Variants in UIMC1 observed in about 807,000 individuals in gnomAD.
The protein encoded by UIMC1 is BRCA1-A complex subunit RAP80.
Under a neutral mutation model 84.9 loss-of-function variants are expected in UIMC1, and 42 were observed. The observed-to-expected ratio is 0.49, with a 90% CI of 0.39 to 0.64. The LOEUF (loss-of-function observed/expected upper bound fraction) is 0.64, where lower values mean the gene tolerates loss of function less well. Ranked by LOEUF, UIMC1 falls within the 30% of genes least tolerant of loss-of-function variation. The probability of loss-of-function intolerance (pLI) is 0.00; values close to 1 mark genes in which losing one functional copy is unlikely to be tolerated. For synonymous variants in UIMC1, 281 were observed against 293.0 expected (o/e 0.96, Z 0.42); for missense variants, 825 against 847.6 (o/e 0.97, Z 0.33).
At chr5:176,965,669 T>C (rs1167339421) in intron 6 of UIMC1, among the ~76,000 whole-genome samples, 1 of 152,154 alleles carries the variant, frequency 6.6e-6, no homozygotes, top group Non-Finnish European at 1.5e-5. Flanking sequence ...CTGCAGCAAA[T>C]AGTATTAACT....
chr5:176,943,555 A>G, intron 9 of UIMC1, 67 bp from the exon 10 acceptor site: 1 of 1,554,788 alleles, frequency 6.4e-7, no homozygotes, highest in East Asian at 2.3e-5. Flanking sequence ...ACGAACTGCA[A>G]GAGACTCCAC....
chr5:176,936,089 C>T (rs1763688508), intron 10 of UIMC1, among the ~76,000 whole-genome samples: 1 of 152,204 alleles, frequency 6.6e-6, no homozygotes, highest in Admixed American at 6.6e-5. Flanking sequence ...TTCTACCCAA[C>T]TAGTGGCTTA....
intron 1 of UIMC1, among the ~76,000 whole-genome samples, chr5:177,011,853 T>G (rs1581738563): frequency 6.6e-6 from 1 of 150,942 alleles, no homozygotes; most frequent in Non-Finnish European, 1.5e-5. Flanking sequence ...CAGGCTGGAG[T>G]GCAGTGGCAC....
chr5:177,004,011 G>A (rs1774917270), intron 1 of UIMC1, among the ~76,000 whole-genome samples: 2 of 152,058 alleles, frequency 1.3e-5, no homozygotes, highest in African/African-American at 4.8e-5. Flanking sequence ...TGTATTTTTT[G>A]TAGAGACTGG....
At chr5:176,940,061 T>C (rs1764230471) in intron 10 of UIMC1, among the ~76,000 whole-genome samples, 1 of 152,164 alleles carries the variant, frequency 6.6e-6, no homozygotes, top group South Asian at 2.1e-4. Context: ...ATGATGATGA[T>C]GATAAGACTC....
rs193276747 is a variant in UIMC1 at position 176,954,582 on chromosome 5, T to A, written c.1339+1377A>T. On this transcript the variant is annotated intron_variant, in intron 8 of 14. Transcript: ENST00000511320. ...AGACCTCGTCTCTACTAAAAAAAAA[T>A]AATAATAATAATTTTTAAAATTAGT... 9.3e-3 allele frequency among the ~76,000 whole-genome samples: 1,408 copies of A among 150,960 alleles called. 7 individuals carry two copies. The highest frequency in any genetic ancestry group is 0.027 in the South Asian group (128 of 4,774).
At chr5:176,931,216 G>A (rs906386443) in intron 10 of UIMC1, among the ~76,000 whole-genome samples, 3 of 152,132 alleles carry the variant, frequency 2.0e-5, no homozygotes, top group East Asian at 3.8e-4. Context: ...TTCCAATGGA[G>A]ATCACTGATC....
intron 9 of UIMC1, among the ~76,000 whole-genome samples, chr5:176,945,863 A>G (rs193192512): frequency 6.6e-6 from 1 of 152,190 alleles, no homozygotes; most frequent in Non-Finnish European, 1.5e-5. Context: ...TATCTTGCTA[A>G]TCATAGGTTA....
intron 1 of UIMC1, among the ~76,000 whole-genome samples, chr5:176,986,359 C>CAAAAAAAAAAAA (rs71583560): frequency 3.6e-5 from 1 of 28,004 alleles, no homozygotes; most frequent in Non-Finnish European, 7.1e-5. Context: ...GACTTCATCT[C>CAAAAAAAAAAAA]AAAAAAAAAA....
chr5:176,934,338 A>G, intron 10 of UIMC1, among the ~76,000 whole-genome samples: 1 of 152,244 alleles, frequency 6.6e-6, no homozygotes, highest in Non-Finnish European at 1.5e-5. Flanking sequence ...ATAAGCTCAA[A>G]TTCCATGAGA....
intron 1 of UIMC1, among the ~76,000 whole-genome samples, chr5:177,020,668 T>C (rs1350137907): frequency 6.6e-6 from 1 of 152,160 alleles, no homozygotes; most frequent in Non-Finnish European, 1.5e-5. Context: ...TCTGACCTCG[T>C]GATCCACCTG....
At chr5:176,913,708 G>A (rs972067474) in intron 10 of UIMC1, among the ~76,000 whole-genome samples, 2 of 152,216 alleles carry the variant, frequency 1.3e-5, no homozygotes, top group East Asian at 1.9e-4. Flanking sequence ...TGGGTGCAGC[G>A]GCTCACGCCT....
intron 10 of UIMC1, among the ~76,000 whole-genome samples, chr5:176,915,458 A>T (rs1463082513): frequency 5.5e-5 from 8 of 144,428 alleles, no homozygotes; most frequent in African/African-American, 1.0e-4. Flanking sequence ...ACAGTAAATA[A>T]TTTTTTTTTT....
intron 10 of UIMC1, chr5:176,919,194 G>T (rs774588442): frequency 4.0e-5 from 16 of 397,974 alleles, no homozygotes; most frequent in Non-Finnish European, 7.8e-5. Context: ...TGGGAGGATT[G>T]CTTGAGGTGG....
intron 6 of UIMC1, among the ~76,000 whole-genome samples, chr5:176,960,586 A>ATTCAAAGAATTATTATC (rs1161599658): frequency 3.4e-5 from 3 of 89,206 alleles, no homozygotes; most frequent in South Asian, 3.3e-4. Flanking sequence ...CTTAAAAAAA[A>ATTCAAAGAATTATTATC]AAAAAAATTC....
At chr5:176,985,928 T>C (rs1771916062) in intron 1 of UIMC1, among the ~76,000 whole-genome samples, 1 of 152,144 alleles carries the variant, frequency 6.6e-6, no homozygotes, top group Non-Finnish European at 1.5e-5. Flanking sequence ...GACTGAATGC[T>C]TTCTCCTTTC....
At chr5:177,021,900 C>A (rs11953914) in intron 1 of UIMC1, among the ~76,000 whole-genome samples, 1 of 152,066 alleles carries the variant, frequency 6.6e-6, no homozygotes, top group East Asian at 1.9e-4. Context: ...ATCCGCCCCC[C>A]CTTAGCCTCC....
chr5:177,014,790 G>A (rs1352925227), intron 1 of UIMC1, among the ~76,000 whole-genome samples: 2 of 152,196 alleles, frequency 1.3e-5, no homozygotes, highest in African/African-American at 4.8e-5. Flanking sequence ...ACCTACCACA[G>A]TGCTAAAGTT....
chr5:176,994,027 G>C (rs572781726), intron 1 of UIMC1, among the ~76,000 whole-genome samples: 104 of 149,546 alleles, frequency 7.0e-4, no homozygotes, highest in Non-Finnish European at 1.3e-3. Flanking sequence ...AAAAAAAGAA[G>C]AAAGTATACA....
Sources: gnomAD v4.1 joint callset for allele counts (sites outside exome capture counted in the v4.1 genomes callset) on GRCh38, gnomAD v4.1.1 for gene constraint, MANE v1.5 for transcripts, NCBI Gene and HGNC (gene_info 2026-07-23, HGNC 2026-07-21) for gene names.